The following BPTF variants were observed in gnomAD, a reference collection of about 807,000 sequenced individuals.
The protein encoded by BPTF is bromodomain PHD finger transcription factor, also known as nucleosome-remodeling factor subunit BPTF.
Under a neutral mutation model 292.5 loss-of-function variants are expected in BPTF, and 18 were observed. The observed-to-expected ratio is 0.06, with a 90% CI of 0.04 to 0.09. The LOEUF is 0.09. Among genes scored for constraint, BPTF ranks in the 10% least tolerant of loss-of-function variants. The pLI, the probability that BPTF is intolerant of heterozygous loss-of-function variation, is 1.00. For synonymous variants in BPTF, 1,225 were observed against 1,251.9 expected, an observed-to-expected ratio of 0.98 and a Z score of 0.45; for missense variants, 2,726 against 3,498.7, an observed-to-expected ratio of 0.78 and a Z score of 5.57.
Position 67,984,258 on chromosome 17 carries a change from T to G in BPTF, c.*1970T>G, listed in dbSNP as rs2070680817. 6.6e-6 allele frequency: 1 copy of G among 152,584 alleles called. No homozygotes were observed. Among genetic ancestry groups the G allele is most frequent in the Non-Finnish European group, 1.5e-5 (1 of 68,024 alleles). The allele number at this position is 152,584 out of a possible 1,614,324, so 9.5% of individuals were successfully genotyped here. On this transcript the variant is annotated 3_prime_UTR_variant, in exon 28 of 28. Coordinates refer to ENST00000306378, the MANE Select transcript of BPTF (RefSeq NM_182641.4). ...AAATTTGTTGCAGCAAGAACTTTCCTACCTGTAGGCAATAGATTGCTATGT... is the reference window on the plus strand; with the variant it reads ...AAATTTGTTGCAGCAAGAACTTTCCGACCTGTAGGCAATAGATTGCTATGT...
intron 11 of BPTF, among the ~76,000 whole-genome samples, chr17:67,914,409 A>C (rs1446419259): frequency 6.6e-6 from 1 of 152,258 alleles, no homozygotes; most frequent in African/African-American, 2.4e-5. Flanking sequence ...GCTGAAAAGT[A>C]CAATTTCTCT....
At chr17:67,919,500 A>T (rs572673191) in intron 12 of BPTF, among the ~76,000 whole-genome samples, 4 of 152,214 alleles carry the variant, frequency 2.6e-5, no homozygotes, top group African/African-American at 9.6e-5. Context: ...TGGTCCACTA[A>T]TGTCTTCCAG....
At chr17:67,894,823 TC>T (rs1191191673) in intron 7 of BPTF, among the ~76,000 whole-genome samples, 5 of 152,330 alleles carry the variant, frequency 3.3e-5, no homozygotes, top group African/African-American at 1.2e-4. Context: ...AAGTTCATTG[TC>T]CAACCAAAGA....
chr17:67,976,572 G>C (rs1239728311), intron 27 of BPTF, among the ~76,000 whole-genome samples: 1 of 151,426 alleles, frequency 6.6e-6, no homozygotes, highest in Admixed American at 6.6e-5. Context: ...TGTAGTCCTA[G>C]CTACTCAGGA....
chr17:67,959,668 C>CCCTCCACG lies in BPTF; in HGVS notation c.8054_8055insCCTCCACG (p.Ser2686LeufsTer46). 6.2e-7 allele frequency: 1 copy of CCCTCCACG among 1,611,940 alleles called. No individual in the cohort carries two copies. Among genetic ancestry groups the CCCTCCACG allele is most frequent in the East Asian group, 2.2e-5 (1 of 44,734 alleles). ...CCTCCAGCCCCTCCAGCCCCTCCAC[C>CCCTCCACG]TTCACCTCCCCCTCCACCTGCTGTG... is the stretch of plus-strand genomic sequence containing the variant. On this transcript the variant is annotated frameshift_variant, in exon 24 of 28. Transcript: ENST00000306378. LOFTEE classifies it high-confidence loss of function.
chr17:67,851,892 T>C (rs2058431334), intron 1 of BPTF, among the ~76,000 whole-genome samples: 1 of 151,530 alleles, frequency 6.6e-6, no homozygotes, highest in Non-Finnish European at 1.5e-5. Flanking sequence ...ACTTTGCCTT[T>C]CCTTGCTAAC....
chr17:67,870,459 A>G (rs1054338460), intron 3 of BPTF, among the ~76,000 whole-genome samples: 33 of 152,066 alleles, frequency 2.2e-4, no homozygotes, highest in African/African-American at 8.0e-4. Context: ...TTGGTAATGA[A>G]TTGAGCATTC....
chr17:67,836,574 ACAAT>A (rs2057149667), intron 1 of BPTF, among the ~76,000 whole-genome samples: 1 of 152,232 alleles, frequency 6.6e-6, no homozygotes, highest in African/African-American at 2.4e-5. Context: ...TCATCCTAAA[ACAAT>A]CCTTTCTAAA....
At chr17:67,972,310 ACTGCAACCT>A (rs2068851726) in intron 26 of BPTF, among the ~76,000 whole-genome samples, 1 of 152,054 alleles carries the variant, frequency 6.6e-6, no homozygotes. Context: ...ATCTTGAATC[ACTGCAACCT>A]CTGCCACCCG....
At chr17:67,957,839 A>G (rs1481745498) in intron 23 of BPTF, among the ~76,000 whole-genome samples, 2 of 151,996 alleles carry the variant, frequency 1.3e-5, no homozygotes, top group Admixed American at 1.3e-4. Flanking sequence ...CAGGGTGACA[A>G]AGTGAGACAC....
At position 67,921,529 on chromosome 17, in the gene BPTF, GTAAA is replaced by G. The variant is rs557669526; in HGVS notation, c.5558-1286_5558-1283del. 1.1e-4 allele frequency among the ~76,000 whole-genome samples: 17 copies of G among 151,512 alleles called. 1 individual carries two copies. Among genetic ancestry groups the G allele is most frequent in the African/African-American group, 2.7e-4 (11 of 41,308 alleles). ...CAACAGAGTGAGACTCCATTTCCAAGTAAATAAATAAATAAATAAATAAATAAAA... is the reference window on the plus strand; with the variant it reads ...CAACAGAGTGAGACTCCATTTCCAAGTAAATAAATAAATAAATAAATAAAA... On this transcript the variant is annotated intron_variant, in intron 13 of 27. Coordinates refer to ENST00000306378, the MANE Select transcript of BPTF (RefSeq NM_182641.4).
chr17:67,954,096 TC>T (rs2066690891), intron 23 of BPTF, among the ~76,000 whole-genome samples: 1 of 112,848 alleles, frequency 8.9e-6, no homozygotes. Flanking sequence ...AGTCAGTCCT[TC>T]CGCCTCAGCC....
rs188590337 is a variant in BPTF at position 67,896,618 on chromosome 17, C to G, written c.2543+2453C>G. 5.2e-3 allele frequency among the ~76,000 whole-genome samples: 799 copies of G among 152,314 alleles called. 4 individuals are homozygous for G. The highest frequency in any genetic ancestry group is 0.017 in the Middle Eastern group (5 of 294). On this transcript the variant is annotated intron_variant, in intron 7 of 27. Coordinates refer to ENST00000306378, the MANE Select transcript of BPTF (RefSeq NM_182641.4). ...AAGCATGTGTGATAACACAATGTTA[C>G]AGTATTGTTTAGGGATATAGACGTT...
Position 67,908,826 on chromosome 17 carries a change from ATTTTTTT to A in BPTF, c.2813-739_2813-733del, listed in dbSNP as rs34934455. ...ACTCTTGTTTCAGTTGTCACTGACAATTTTTTTTTTTTTTTTTTTTTTTGTTGACACG... is the reference window on the plus strand; with the variant it reads ...ACTCTTGTTTCAGTTGTCACTGACAATTTTTTTTTTTTTTTTGTTGACACG... On this transcript the variant is annotated intron_variant, in intron 9 of 27. Coordinates refer to ENST00000306378, the MANE Select transcript of BPTF (RefSeq NM_182641.4). Among the ~76,000 whole-genome samples the A allele has an allele frequency of 6.1e-3, 647 of 106,086 alleles. 4 individuals are homozygous for A. The highest frequency in any genetic ancestry group is 0.011 in the African/African-American group (289 of 25,952). 69.6% of individuals were successfully genotyped at this position (106,086 alleles called of 152,430 possible).
chr17:67,873,996 A>G (rs2059908650), intron 3 of BPTF, among the ~76,000 whole-genome samples: 1 of 151,608 alleles, frequency 6.6e-6, no homozygotes, highest in South Asian at 2.1e-4. Context: ...AAAATGCTGG[A>G]TGGATGGATG....
intron 12 of BPTF, among the ~76,000 whole-genome samples, chr17:67,919,246 A>G (rs2147150414): frequency 6.6e-6 from 1 of 151,032 alleles, no homozygotes; most frequent in Non-Finnish European, 1.5e-5. Context: ...TTTTAGAAAT[A>G]CAGTTTTGGC....
intron 2 of BPTF, among the ~76,000 whole-genome samples, chr17:67,863,296 C>T (rs553628415): frequency 6.6e-6 from 1 of 152,168 alleles, no homozygotes; most frequent in East Asian, 1.9e-4. Flanking sequence ...TTTTTCTTTT[C>T]ATTTTTTTGA....
In BPTF at chr17:67,826,349, G is replaced by C. The variant is rs753068387; in HGVS notation, c.613+12G>C. 1.6e-5 allele frequency: 25 copies of C among 1,598,752 alleles called. No individual in the cohort carries two copies. The highest frequency in any genetic ancestry group is 2.0e-5 in the Non-Finnish European group (23 of 1,170,848). Reference sequence around the variant, plus strand: ...CAGCAGCACTCCAGGTACCCACCCAGCCCAGTTGCTGCAGACTCCTTCCCC... The same window carrying C: ...CAGCAGCACTCCAGGTACCCACCCACCCCAGTTGCTGCAGACTCCTTCCCC... On this transcript the variant is annotated intron_variant, in intron 1 of 27. Transcript: ENST00000306378.
chr17:67,911,856 A>T lies in BPTF; in HGVS notation c.3972A>T (p.Gln1324His). The T allele has an allele frequency of 6.2e-7, 1 of 1,614,126 alleles. No homozygotes were observed. The highest frequency in any genetic ancestry group is 1.1e-5 in the South Asian group (1 of 91,064). ...SISEQFRTREQDVEVLEPLKC... is the reference protein window; with the variant it reads ...SISEQFRTREHDVEVLEPLKC... Reference sequence around the variant, plus strand: ...CTGAACAGTTCAGAACTCGAGAACAAGATGTTGAAGTCTTGGAGCCGTTAA... The same window carrying T: ...CTGAACAGTTCAGAACTCGAGAACATGATGTTGAAGTCTTGGAGCCGTTAA... Residue 1324 changes from glutamine to histidine, a missense_variant, in exon 11 of 28, where the codon CAA becomes CAT. Physicochemically the swap from Gln to His is conservative, Grantham distance 24. This residue lies in a region of BPTF where 713 missense variants were observed against 714.9 expected (regional missense o/e 1.00). Transcript: ENST00000306378.
Sources: allele counts gnomAD v4.1 joint callset (sites outside exome capture counted in the v4.1 genomes callset), GRCh38; gene constraint gnomAD v4.1.1; regional missense constraint gnomAD v4.1.1; transcripts MANE v1.5; gene names NCBI Gene and HGNC (gene_info 2026-07-23, HGNC 2026-07-21).